Variants in UTS2B observed in about 807,000 individuals in gnomAD.
UTS2B encodes the protein urotensin-2B.
In UTS2B, 21 loss-of-function variants were observed where a neutral mutation model predicts 19.2. The ratio of observed to expected loss-of-function variants is 1.09; its 90% CI spans 0.78 to 1.58. The LOEUF is 1.58. Ranked by LOEUF, UTS2B falls within the 40% of genes most tolerant of loss-of-function variation. The pLI is 0.00. For synonymous variants in UTS2B, 57 were observed against 50.2 expected (o/e 1.14, Z -0.58); for missense variants, 138 against 130.3 (o/e 1.06, Z -0.29).
chr3:191,302,876 C>A (rs965605119), intron 4 of UTS2B, among the ~76,000 whole-genome samples: 2 of 152,208 alleles, frequency 1.3e-5, no homozygotes, highest in African/African-American at 4.8e-5. Flanking sequence ...CTCTTTCCCT[C>A]CCAAAGCAGG....
chr3:191,303,637 AT>A (rs1292242275), intron 4 of UTS2B, among the ~76,000 whole-genome samples: 1 of 152,116 alleles, frequency 6.6e-6, no homozygotes, highest in African/African-American at 2.4e-5. Flanking sequence ...TGTGTTCCTT[AT>A]TGAAAAGAGC....
Position 191,278,189 on chromosome 3 carries a change from A to C in UTS2B, c.104-19T>G. 7.4e-7 allele frequency: 1 copy of C among 1,358,332 alleles called. No individual in the cohort carries two copies. Among genetic ancestry groups the C allele is most frequent in the South Asian group, 1.4e-5 (1 of 72,866 alleles). 84.1% of individuals were successfully genotyped at this position (1,358,332 alleles called of 1,614,324 possible). A position where few individuals can be genotyped will look rare whatever the true frequency, so the allele number is the denominator to read the frequency against. On this transcript the variant is annotated intron_variant, in intron 5 of 8. Coordinates refer to ENST00000340524, the MANE Select transcript of UTS2B (RefSeq NM_198152.5). The stretch of plus-strand genomic sequence containing the variant: ...TCATTTCCTATAATGATCAAAAACC[A>C]CCATTTTCAATTTGAGTCACCGAAA...
intron 7 of UTS2B, among the ~76,000 whole-genome samples, chr3:191,276,117 T>C (rs1716229630): frequency 1.3e-5 from 2 of 152,214 alleles, no homozygotes; most frequent in African/African-American, 4.8e-5. Context: ...AAGGTTTCCA[T>C]CCAGAATTCA....
At chr3:191,343,893 A>T in the UTS2B span, among the ~76,000 whole-genome samples, 1 of 152,208 alleles carries the variant, frequency 6.6e-6, no homozygotes, top group Non-Finnish European at 1.5e-5. Context: ...TTCTAATCAG[A>T]AATTTGTTCA....
intron 8 of UTS2B, among the ~76,000 whole-genome samples, chr3:191,272,676 T>C (rs568509996): frequency 6.4e-4 from 92 of 144,736 alleles, no homozygotes; most frequent in African/African-American, 2.2e-3. Context: ...GCCTGGCCAA[T>C]ATGGTGAAAC....
chr3:191,325,627 G>T (rs1717726264), intron 2 of UTS2B, among the ~76,000 whole-genome samples: 1 of 152,198 alleles, frequency 6.6e-6, no homozygotes, highest in South Asian at 2.1e-4. Context: ...TCAAGGCCTG[G>T]AGTAAAGAGG....
At chr3:191,273,830 C>G (rs887046321) in intron 8 of UTS2B, among the ~76,000 whole-genome samples, 2 of 152,200 alleles carry the variant, frequency 1.3e-5, no homozygotes, top group African/African-American at 4.8e-5. Flanking sequence ...TTGACACCTG[C>G]CTATTTTTTA....
At chr3:191,341,884 T>G in the UTS2B span, among the ~76,000 whole-genome samples, 1 of 152,254 alleles carries the variant, frequency 6.6e-6, no homozygotes, top group African/African-American at 2.4e-5. Flanking sequence ...TGCGGTCACC[T>G]TATTCTGTAT....
chr3:191,321,407 G>A (rs1001368512), intron 2 of UTS2B, among the ~76,000 whole-genome samples: 1 of 152,142 alleles, frequency 6.6e-6, no homozygotes, highest in African/African-American at 2.4e-5. Flanking sequence ...CAAGAAATAG[G>A]TTTTCACTAG....
At chr3:191,299,298 G>A (rs998114874) in intron 4 of UTS2B, among the ~76,000 whole-genome samples, 8 of 152,202 alleles carry the variant, frequency 5.3e-5, no homozygotes, top group Admixed American at 1.3e-4. Context: ...AGACCTTTAG[G>A]GGCAGTCCCT....
chr3:191,291,770 G>T lies in UTS2B; in HGVS notation c.-124-9457C>A, dbSNP rs1410301204. ...CCCGGCCTGATCTACTTTAAGTAAA[G>T]TTTTATATATGGTGTGAGGTTGGGT... On this transcript the variant is annotated intron_variant, in intron 4 of 8. Transcript: ENST00000340524. Among the ~76,000 whole-genome samples, 5 of 151,766 alleles carry T rather than the reference G, an allele frequency of 3.3e-5. No individual in the cohort carries two copies. In the East Asian group the frequency reaches 9.6e-4, roughly 29 times the overall value.
the UTS2B span, among the ~76,000 whole-genome samples, chr3:191,344,983 A>C: frequency 4.6e-5 from 7 of 152,152 alleles, no homozygotes; most frequent in African/African-American, 1.4e-4. Flanking sequence ...TCAAAACATA[A>C]AGTTTTGAAG....
intron 3 of UTS2B, among the ~76,000 whole-genome samples, chr3:191,308,920 T>C (rs1717215371): frequency 6.6e-6 from 1 of 152,146 alleles, no homozygotes; most frequent in Non-Finnish European, 1.5e-5. Flanking sequence ...AAACGATAAA[T>C]GGTCAAGATA....
intron 3 of UTS2B, among the ~76,000 whole-genome samples, chr3:191,308,029 T>C (rs1576929664): frequency 6.6e-6 from 1 of 152,190 alleles, no homozygotes; most frequent in Admixed American, 6.5e-5. Flanking sequence ...AAGGGCGGGG[T>C]TTCACTAAGG....
At chr3:191,332,088 G>A (rs1718006903), upstream of UTS2B, among the ~76,000 whole-genome samples, 1 of 152,196 alleles carries the variant, frequency 6.6e-6, no homozygotes, top group South Asian at 2.1e-4. Context: ...TGCAGTGAGT[G>A]TGTGCCCGTT....
At chr3:191,274,063 T>C (rs1480753320) in intron 8 of UTS2B, among the ~76,000 whole-genome samples, 1 of 151,556 alleles carries the variant, frequency 6.6e-6, no homozygotes, top group Non-Finnish European at 1.5e-5. Context: ...GATTGTGCCA[T>C]TGCACTCCAG....
chr3:191,334,372 CTG>C (rs1484639466), upstream of UTS2B, among the ~76,000 whole-genome samples: 3 of 152,148 alleles, frequency 2.0e-5, no homozygotes, highest in Admixed American at 6.5e-5. Context: ...ATGGATGTAA[CTG>C]TTAATTTGTA....
chr3:191,315,106 G>A (rs753489444), intron 3 of UTS2B, among the ~76,000 whole-genome samples: 1 of 151,556 alleles, frequency 6.6e-6, no homozygotes. Context: ...CTGCCCCACT[G>A]GGTTCAAGTG....
the UTS2B span, among the ~76,000 whole-genome samples, chr3:191,340,759 G>A: frequency 6.6e-6 from 1 of 152,154 alleles, no homozygotes; most frequent in Non-Finnish European, 1.5e-5. Flanking sequence ...GGACATATGA[G>A]GTTAGAAAGA....
Sources: gnomAD v4.1 joint callset for allele counts (sites outside exome capture counted in the v4.1 genomes callset) on GRCh38, gnomAD v4.1.1 for gene constraint, MANE v1.5 for transcripts, NCBI Gene and HGNC (gene_info 2026-07-23, HGNC 2026-07-21) for gene names.